Variants in CTU2 observed in about 807,000 individuals in gnomAD.
The protein encoded by CTU2 is cytosolic thiouridylase subunit 2.
A neutral mutation model predicts 64.1 loss-of-function variants in CTU2; 80 were observed. The ratio of observed to expected loss-of-function variants is 1.25; its 90% confidence interval spans 1.04 to 1.50. CTU2 has a LOEUF of 1.50. Ranked by LOEUF, CTU2 falls within the 40% of genes most tolerant of loss-of-function variation. The pLI is 0.00. For synonymous variants in CTU2, 482 were observed against 285.3 expected, an observed-to-expected ratio of 1.69 and a Z score of -6.95; for missense variants, 1,110 against 690.2, an observed-to-expected ratio of 1.61 and a Z score of -6.81.
At chr16:88,710,787 C>T (rs149596851) in intron 4 of CTU2, 37 of 161,254 alleles carry the variant, frequency 2.3e-4, no homozygotes, top group African/African-American at 4.1e-4. Context: ...GGGAAAGGGG[C>T]GGGGGTTTGC....
At position 88,714,793 on chromosome 16, in the gene CTU2, G is replaced by A. The variant is rs1181278061; in HGVS notation, c.1352+56G>A. The stretch of plus-strand genomic sequence containing the variant: ...GCTGCATGGGGCGGGAGGGGGACCT[G>A]TCCTTACCCCACACTGCACGGCATT... On this transcript the variant is annotated intron_variant, in intron 12 of 14. Transcript: ENST00000453996. 5 of 1,609,748 alleles carry A rather than the reference G, an allele frequency of 3.1e-6. No individual in the cohort carries two copies. In the African/African-American group the frequency reaches 4.0e-5, roughly 13 times the overall value.
chr16:88,711,754 C>T (rs1367548569), intron 5 of CTU2, 59 bp downstream of exon 5: 28 of 1,516,122 alleles, frequency 1.8e-5, no homozygotes, highest in Admixed American at 9.0e-5. Context: ...CCTGCGGATC[C>T]TCCCTCTGGT....
In CTU2 at chr16:88,713,730, C is replaced by A; in HGVS notation, c.957C>A (p.Asn319Lys). 6.2e-7 allele frequency: 1 copy of A among 1,612,740 alleles called. No homozygotes were observed. The highest frequency in any genetic ancestry group is 8.5e-7 in the Non-Finnish European group (1 of 1,179,912). The change falls in exon 9 of 15, where the codon AAC becomes AAA. Residue 319 changes from asparagine (N) to lysine (K), a missense_variant. Physicochemically the swap from Asn to Lys is moderately conservative, Grantham distance 94 (BLOSUM62 0). Transcript: ENST00000453996. ...CCCTGAAGGAGGTCGCTTTCTACAA[C>A]CGCCTGTTCTCCGTTCCTTCTGTCT... ...DHTLKEVAFYNRLFSVPSVFT... is the reference protein window; with the variant it reads ...DHTLKEVAFYKRLFSVPSVFT...
Position 88,711,625 on chromosome 16 carries a change from C to T in CTU2, c.283-10C>T, listed in dbSNP as rs1177566962. ...GCTGGGGGCTGAGTCCCTGCTGCTT[C>T]TCCCTCTAGGGCCTGAGCCAAGATT... On this transcript the variant is annotated splice_polypyrimidine_tract_variant and intron_variant, in intron 4 of 14. Coordinates refer to ENST00000453996, the MANE Select transcript of CTU2 (RefSeq NM_001012759.3). 7.5e-6 allele frequency: 12 copies of T among 1,593,394 alleles called. No individual in the cohort carries two copies. Among genetic ancestry groups the T allele is most frequent in the African/African-American group, 1.3e-5 (1 of 74,526 alleles).
rs780633382 is a variant in CTU2, at chr16:88,712,316, C to A, written c.386C>A (p.Thr129Asn). 1 of 1,609,924 alleles carries A rather than the reference C, an allele frequency of 6.2e-7. No homozygotes were observed. The highest frequency in any genetic ancestry group is 1.1e-5 in the South Asian group (1 of 90,134). The change falls in exon 6 of 15, where the codon ACC becomes AAC. Residue 129 changes from threonine (T) to asparagine (N), a missense_variant. Thr to Asn is a moderately conservative substitution (Grantham distance 65, BLOSUM62 0). Coordinates refer to ENST00000453996, the MANE Select transcript of CTU2 (RefSeq NM_001012759.3). The stretch of plus-strand genomic sequence containing the variant: ...CAGAGCCTAGAGGAGAGATCAAAGA[C>A]CCTGGCCGAAGTGAAGCCCATTCTG... ...CGQSLEERSK[T>N]LAEVKPILQA...
chr16:88,713,502 C>T (rs1384541896), intron 8 of CTU2, 55 bp downstream of exon 8: 12 of 1,548,000 alleles, frequency 7.8e-6, no homozygotes, highest in South Asian at 2.4e-5. Context: ...CCCCTTCGGC[C>T]ACCTTTACTG....
intron 1 of CTU2, 30 bp downstream of exon 1, chr16:88,706,628 C>G (rs1910857863): frequency 1.5e-6 from 2 of 1,367,018 alleles, no homozygotes; most frequent in Middle Eastern, 5.3e-4. Context: ...CCCGCCAGGC[C>G]GCCCCTCGCC....
At position 88,715,071 on chromosome 16, in the gene CTU2, G is replaced by C. The variant is rs368726680; in HGVS notation, c.1443G>C (p.Pro481=). ...AGCCCTCACTGGACCCCCTGCCGCCGTACATCCTGGCTGAGGCCCAGCTCC... is the reference window on the plus strand; with the variant it reads ...AGCCCTCACTGGACCCCCTGCCGCCCTACATCCTGGCTGAGGCCCAGCTCC... ...KDLPSLDPLP[P]YILAEAQLRT... The change falls in exon 14 of 15, where the codon CCG becomes CCC. Residue 481 remains proline (P), a synonymous_variant. Transcript: ENST00000453996. 6 of 1,573,458 alleles carry C rather than the reference G, an allele frequency of 3.8e-6. No individual in the cohort carries two copies. The highest frequency in any genetic ancestry group is 5.2e-6 in the Non-Finnish European group (6 of 1,158,398).
intron 7 of CTU2, 28 bp from the exon 8 acceptor site, chr16:88,713,284 C>A (rs749868980): frequency 1.3e-6 from 2 of 1,580,600 alleles, no homozygotes; most frequent in Non-Finnish European, 1.7e-6. Flanking sequence ...CTGCACCCCC[C>A]AGGCCCCTGA....
intron 5 of CTU2, 134 bp from the exon 6 acceptor site, chr16:88,712,140 A>T: frequency 1.3e-6 from 1 of 794,936 alleles, no homozygotes; most frequent in Non-Finnish European, 2.2e-6. Context: ...AATGGCCGAC[A>T]CCCCACAGCT....
rs867388256 is a variant in CTU2 at position 88,713,800 on chromosome 16, A to G, written c.1005+22A>G. 40 of 1,610,690 alleles carry G rather than the reference A, an allele frequency of 2.5e-5. No homozygotes were observed. In the Middle Eastern group the frequency reaches 9.9e-4, roughly 40 times the overall value. ...CAAGGTGGGCCTTGTGGGCTGGGCA[A>G]CCTCTCTCACCATTGACACCGGGGT... On this transcript the variant is annotated intron_variant, in intron 9 of 14. Transcript: ENST00000453996.
Position 88,712,685 on chromosome 16 carries a change from GCCTACAAGGCGGC to G in CTU2, c.519_531del (p.Tyr174TrpfsTer55). On this transcript the variant is annotated frameshift_variant, in exon 7 of 15. Coordinates refer to ENST00000453996, the MANE Select transcript of CTU2 (RefSeq NM_001012759.3). LOFTEE classifies it high-confidence loss of function. The stretch of plus-strand genomic sequence containing the variant: ...CCAGGAGCTGGTGGGATCCGAGGGG[GCCTACAAGGCGGC>G]CGTGGACAGCTTCCTCCAGCAGCAG... The G allele has an allele frequency of 6.2e-7, 1 of 1,610,512 alleles. No individual in the cohort carries two copies. Among genetic ancestry groups the G allele is most frequent in the Non-Finnish European group, 8.5e-7 (1 of 1,179,494 alleles).
At chr16:88,710,336 G>A in intron 4 of CTU2, 54 bp downstream of exon 4, 1 of 1,593,670 alleles carries the variant, frequency 6.3e-7, no homozygotes, top group Non-Finnish European at 8.6e-7. Flanking sequence ...TTCAGGCTGG[G>A]GGCCTCCCTT....
rs1254845636 is a variant in CTU2, at chr16:88,706,514, C to T, written c.-17C>T. 4.9e-6 allele frequency: 7 copies of T among 1,420,002 alleles called. No individual in the cohort carries two copies. The highest frequency in any genetic ancestry group is 6.4e-6 in the Non-Finnish European group (7 of 1,093,484). 88.0% of individuals were successfully genotyped at this position (1,420,002 alleles called of 1,614,324 possible). A position where few individuals can be genotyped will look rare whatever the true frequency, so the allele number is the denominator to read the frequency against. On this transcript the variant is annotated 5_prime_UTR_variant, in exon 1 of 15. In the 5' UTR this introduces an upstream ATG that the reference lacks. Transcript: ENST00000453996. ...GCGCTGTCGCCGCCACAGTCTGCGA[C>T]GGGACCCGGCGTGCCCATGTGTCAG...
Position 88,710,257 on chromosome 16 carries a change from G to T in CTU2, c.257G>T (p.Ser86Ile), listed in dbSNP as rs376556556. 1 of 1,614,094 alleles carries T rather than the reference G, an allele frequency of 6.2e-7. No homozygotes were observed. The highest frequency in any genetic ancestry group is 1.7e-5 in the Admixed American group (1 of 60,024). The change falls in exon 4 of 15, where the codon AGC (serine) becomes ATC (isoleucine). Residue 86 changes from serine (S) to isoleucine (I), a missense_variant. Physicochemically the swap from Ser to Ile is moderately radical, Grantham distance 142. Transcript: ENST00000453996. The part of the protein sequence containing the change: ...LLAWSGGPSS[S>I]SMVWQVLEGL... ...GCGTGGTCTGGGGGGCCTTCGTCCA[G>T]CTCCATGGTCTGGCAGGTTCTTGAG...
chr16:88,710,084 A>G (rs1002601583), intron 3 of CTU2, 68 bp downstream of exon 3: 13 of 1,589,322 alleles, frequency 8.2e-6, no homozygotes, highest in Non-Finnish European at 1.0e-5. Flanking sequence ...TGTCCCTCCC[A>G]CAGGCAGCCT....
At chr16:88,712,404 A>C (rs761920979) in intron 6 of CTU2, 21 bp downstream of exon 6, 25 of 1,574,764 alleles carry the variant, frequency 1.6e-5, no homozygotes, top group Non-Finnish European at 2.2e-5. Context: ...TGTCCCTGGA[A>C]AGGGGTCCCG....
In CTU2 at chr16:88,714,584, CAG is replaced by C; in HGVS notation, c.1202-1_1202del. On this transcript the variant is annotated splice_acceptor_variant, in intron 11 of 14. Coordinates refer to ENST00000453996, the MANE Select transcript of CTU2 (RefSeq NM_001012759.3). LOFTEE classifies it high-confidence loss of function. ...GGCTCCGTCACCCCCTCTCTGCTTG[CAG>C]ACAGTGCCACGGCTTTTGGGGCTCA... 6.2e-7 allele frequency: 1 copy of C among 1,612,656 alleles called. No homozygotes were observed. The highest frequency in any genetic ancestry group is 1.1e-5 in the South Asian group (1 of 91,092).
chr16:88,712,744 T>G lies in CTU2; in HGVS notation c.576T>G (p.Gly192=). ...LQQQHVLGAG[G]GPGPTQGEEQ... ...AGCAGCATGTGCTGGGGGCCGGGGG[T>G]GGTCCTGGCCCGACTCAAGGGGAGG... The change falls in exon 7 of 15, where the codon GGT becomes GGG. Residue 192 remains glycine (G), a synonymous_variant. Coordinates refer to ENST00000453996, the MANE Select transcript of CTU2 (RefSeq NM_001012759.3). The G allele has an allele frequency of 6.2e-7, 1 of 1,608,688 alleles. No individual in the cohort carries two copies. Among genetic ancestry groups the G allele is most frequent in the Non-Finnish European group, 8.5e-7 (1 of 1,178,500 alleles).
Sources: allele counts gnomAD v4.1 joint callset, GRCh38; gene constraint gnomAD v4.1.1; transcripts MANE v1.5; gene names NCBI Gene and HGNC (gene_info 2026-07-23, HGNC 2026-07-21).